HTRA1: variants seen among roughly 807,000 people sequenced by gnomAD.
HTRA1 encodes the protein serine protease HTRA1.
In HTRA1, 26 loss-of-function variants were observed where a neutral mutation model predicts 49.7. The ratio of observed to expected loss-of-function variants is 0.52; its 90% CI spans 0.38 to 0.73. HTRA1 has a LOEUF of 0.73. Among genes scored for constraint, HTRA1 ranks in the 30% least tolerant of loss-of-function variants. HTRA1 has a pLI of 0.00. For missense variants in HTRA1, 561 were observed against 667.2 expected (o/e 0.84, Z 1.75); for synonymous variants, 291 against 286.9 (o/e 1.01, Z -0.14).
In HTRA1 at chr10:122,487,874, C is replaced by T. The variant is rs542142245; in HGVS notation, c.473-1028C>T. On this transcript the variant is annotated intron_variant, in intron 1 of 8. Transcript: ENST00000368984. The surrounding 1 kb of genome is among the most constrained non-coding windows in gnomAD (Gnocchi z 4.8). ...GTAAAAACAATGGTGTTATGGTCCG[C>T]GGCTGGCTGAAACGTTATGTGGTGC... Among the ~76,000 whole-genome samples, 2 of 152,170 alleles carry T rather than the reference C, an allele frequency of 1.3e-5. No individual in the cohort carries two copies. Among genetic ancestry groups the T allele is most frequent in the East Asian group, 1.9e-4 (1 of 5,196 alleles).
chr10:122,509,182 C>T (rs1213886599), intron 6 of HTRA1, among the ~76,000 whole-genome samples: 1 of 152,206 alleles, frequency 6.6e-6, no homozygotes, highest in Non-Finnish European at 1.5e-5. Context: ...GGGAGCTTGG[C>T]AGTGGACAGC....
chr10:122,480,254 G>A (rs2097490409), intron 1 of HTRA1, among the ~76,000 whole-genome samples: 1 of 151,934 alleles, frequency 6.6e-6, no homozygotes, highest in South Asian at 2.2e-4. Flanking sequence ...GGCCCCACGG[G>A]GAACGTGTGT....
At chr10:122,484,133 C>A (rs1274418068) in intron 1 of HTRA1, among the ~76,000 whole-genome samples, 2 of 151,466 alleles carry the variant, frequency 1.3e-5, no homozygotes, top group Non-Finnish European at 3.0e-5. Flanking sequence ...AATGGCCAGG[C>A]CTTGACCTTT....
chr10:122,507,288 C>A, intron 4 of HTRA1, 82 bp from the exon 5 acceptor site: 1 of 1,123,468 alleles, frequency 8.9e-7, no homozygotes, highest in Non-Finnish European at 1.4e-6. Context: ...AGGCACCGTG[C>A]TCAGGAAACG....
Position 122,505,844 on chromosome 10 carries a change from G to A in HTRA1, c.778-847G>A, listed in dbSNP as rs975558317. On this transcript the variant is annotated intron_variant, in intron 3 of 8. Transcript: ENST00000368984. ...GGAAGGCAGAGAGGGAAAGGGCCCC[G>A]ATGCCTTCCCTGATAGAGCTAGGGA... Among the ~76,000 whole-genome samples the A allele has an allele frequency of 2.6e-5, 4 of 152,216 alleles. No homozygotes were observed. The South Asian group carries it at 6.2e-4, about 24-fold the overall frequency.
chr10:122,477,999 C>T (rs1386537904), intron 1 of HTRA1, among the ~76,000 whole-genome samples: 3 of 152,192 alleles, frequency 2.0e-5, no homozygotes, highest in Admixed American at 6.5e-5. Context: ...TAGCTCATCC[C>T]GGCCTCCATC....
At chr10:122,472,464 T>G (rs2097486579) in intron 1 of HTRA1, among the ~76,000 whole-genome samples, 1 of 151,542 alleles carries the variant, frequency 6.6e-6, no homozygotes, top group Admixed American at 6.6e-5. Flanking sequence ...GGCACGATCT[T>G]GACTCCCTGC....
Position 122,506,679 on chromosome 10 carries a change from T to C in HTRA1, c.778-12T>C, listed in dbSNP as rs1454549468. On this transcript the variant is annotated splice_polypyrimidine_tract_variant and intron_variant, in intron 3 of 8. Coordinates refer to ENST00000368984, the MANE Select transcript of HTRA1 (RefSeq NM_002775.5). This position sits in a 1 kb window ranked among gnomAD's most constrained non-coding sequence, Gnocchi z 5.2. ...TAAACCAACTCAGCAACGCCAGCCA[T>C]TGTGGTTTCAGGGCAAGCTGCCTGT... is the stretch of plus-strand genomic sequence containing the variant. The C allele has an allele frequency of 3.1e-6, 5 of 1,610,854 alleles. No individual in the cohort carries two copies. The highest frequency in any genetic ancestry group is 1.7e-5 in the Admixed American group (1 of 60,026).
At chr10:122,510,010 TG>T in intron 6 of HTRA1, 85 bp from the exon 7 acceptor site, 1 of 1,154,684 alleles carries the variant, frequency 8.7e-7, no homozygotes, top group Non-Finnish European at 1.3e-6. Context: ...TCCTGCAACC[TG>T]GGGGATTGGG....
At chr10:122,496,392 A>G (rs1008899713) in intron 3 of HTRA1, among the ~76,000 whole-genome samples, 2 of 151,740 alleles carry the variant, frequency 1.3e-5, no homozygotes, top group African/African-American at 4.9e-5. Flanking sequence ...TTGAGATCCT[A>G]ATGGATCTTT....
intron 1 of HTRA1, among the ~76,000 whole-genome samples, chr10:122,476,201 A>C (rs943922442): frequency 3.9e-5 from 6 of 152,192 alleles, no homozygotes; most frequent in African/African-American, 1.4e-4. Flanking sequence ...GTTTCTCTGC[A>C]GTTCACGGCT....
At chr10:122,496,149 G>A (rs954763638) in intron 3 of HTRA1, among the ~76,000 whole-genome samples, 3 of 150,970 alleles carry the variant, frequency 2.0e-5, no homozygotes, top group African/African-American at 7.3e-5. Context: ...ACCAAGCGAG[G>A]TGAAGCACTA....
At chr10:122,478,733 C>CAGCTCCTGAGA (rs562355731) in intron 1 of HTRA1, among the ~76,000 whole-genome samples, 59 of 152,308 alleles carry the variant, frequency 3.9e-4, no homozygotes, top group African/African-American at 1.4e-3. Context: ...GGCACCTGAG[C>CAGCTCCTGAGA]AGCTCCTGAG....
intron 1 of HTRA1, among the ~76,000 whole-genome samples, chr10:122,466,410 G>A (rs1289535038): frequency 2.0e-5 from 3 of 152,060 alleles, no homozygotes; most frequent in Non-Finnish European, 4.4e-5. Flanking sequence ...CTTGTGATCC[G>A]CCCGCTTTGG....
intron 1 of HTRA1, among the ~76,000 whole-genome samples, chr10:122,483,822 A>G (rs2097492027): frequency 6.6e-6 from 1 of 152,204 alleles, no homozygotes; most frequent in South Asian, 2.1e-4. Flanking sequence ...ATTACTTGAT[A>G]TTTATTTTTG....
intron 3 of HTRA1, among the ~76,000 whole-genome samples, chr10:122,498,565 C>T (rs736961): frequency 0.029 from 4,351 of 152,182 alleles, 115 homozygotes; most frequent in East Asian, 0.14. Context: ...GAACCCTGAA[C>T]GGAAGGGTTC....
At position 122,494,324 on chromosome 10, in the gene HTRA1, C is replaced by A. The variant is rs1031224442; in HGVS notation, c.777+4698C>A. Among the ~76,000 whole-genome samples the A allele has an allele frequency of 3.9e-5, 6 of 152,114 alleles. No homozygotes were observed. The highest frequency in any genetic ancestry group is 6.5e-5 in the Admixed American group (1 of 15,274). On this transcript the variant is annotated intron_variant, in intron 3 of 8. Coordinates refer to ENST00000368984, the MANE Select transcript of HTRA1 (RefSeq NM_002775.5). The surrounding 1 kb of genome is among the most constrained non-coding windows in gnomAD (Gnocchi z 4.0). The stretch of plus-strand genomic sequence containing the variant: ...GTCTGCCCCGGAGGAAGCAAGGGCA[C>A]CCGCCACATGGATGGAATTGAGGGG...
chr10:122,483,159 T>G (rs2097491748), intron 1 of HTRA1, among the ~76,000 whole-genome samples: 1 of 152,206 alleles, frequency 6.6e-6, no homozygotes, highest in African/African-American at 2.4e-5. Flanking sequence ...GTCTGTTTTC[T>G]TCCACCTTGA....
chr10:122,466,261 G>A, intron 1 of HTRA1, among the ~76,000 whole-genome samples: 1 of 152,150 alleles, frequency 6.6e-6, no homozygotes. Flanking sequence ...CACCTCCCGG[G>A]TTCATGCCAT....
Sources: gnomAD v4.1 joint callset for allele counts (sites outside exome capture counted in the v4.1 genomes callset) on GRCh38, gnomAD v4.1.1 for gene constraint, Gnocchi (gnomAD v3.1) non-coding constraint, MANE v1.5 for transcripts, NCBI Gene and HGNC (gene_info 2026-07-23, HGNC 2026-07-21) for gene names.